Variants in MTF1 observed in about 807,000 individuals in gnomAD.
MTF1 encodes MRE-binding transcription factor.
In MTF1, 22 loss-of-function variants were observed where a neutral mutation model predicts 70.4. That is an observed-to-expected ratio of 0.31 (90% confidence interval 0.22 to 0.45). The LOEUF (loss-of-function observed/expected upper bound fraction) is 0.45. MTF1 is among the 20% of genes least tolerant of loss of function. The pLI is 1.00. For missense variants in MTF1, 649 were observed against 922.0 expected (o/e 0.70, Z 3.83); for synonymous variants, 333 against 352.8 (o/e 0.94, Z 0.63).
intron 10 of MTF1, among the ~76,000 whole-genome samples, chr1:37,816,603 A>C (rs1410951830): frequency 6.8e-6 from 1 of 148,098 alleles, no homozygotes; most frequent in Non-Finnish European, 1.5e-5. Flanking sequence ...TGAACCTAGG[A>C]GGCAGGGGTT....
At position 37,822,280 on chromosome 1, in the gene MTF1, C is replaced by G. The variant is rs1640921695; in HGVS notation, c.1608G>C (p.Leu536=). 2 of 1,614,130 alleles carry G rather than the reference C, an allele frequency of 1.2e-6. No individual in the cohort carries two copies. Among genetic ancestry groups the G allele is most frequent in the African/African-American group, 2.7e-5 (2 of 75,036 alleles). Residue 536 remains leucine, a synonymous_variant, in exon 9 of 11, where the codon CTG becomes CTC. Coordinates refer to ENST00000373036, the MANE Select transcript of MTF1 (RefSeq NM_005955.3). ...TTAGGACAGAGTTGGCACCCAGGGG[C>G]AGAGTCTGGACCATGGCTGGCAGGG... is the stretch of plus-strand genomic sequence containing the variant. ...TEPLPAMVQT[L]PLGANSVLTN... is the part of the protein sequence containing the mutation.
intron 7 of MTF1, among the ~76,000 whole-genome samples, chr1:37,827,193 AT>A (rs950030548): frequency 2.6e-5 from 4 of 151,884 alleles, no homozygotes; most frequent in South Asian, 2.1e-4. Flanking sequence ...ATGTCCTCTG[AT>A]TTTTTTTCTA....
At chr1:37,833,945 G>A (rs1056423654) in intron 6 of MTF1, among the ~76,000 whole-genome samples, 2 of 152,100 alleles carry the variant, frequency 1.3e-5, no homozygotes, top group African/African-American at 4.8e-5. Flanking sequence ...AGAAAAGTAG[G>A]CAGGGCACAG....
chr1:37,811,811 G>A lies in MTF1; in HGVS notation c.*3325C>T, dbSNP rs1640741386. 1 of 152,574 alleles carries A rather than the reference G, an allele frequency of 6.6e-6. No individual in the cohort carries two copies. The highest frequency in any genetic ancestry group is 1.5e-5 in the Non-Finnish European group (1 of 68,050). 9.5% of individuals were successfully genotyped at this position (152,574 alleles called of 1,614,324 possible). A position where few individuals can be genotyped will look rare whatever the true frequency, so the allele number is the denominator to read the frequency against. Reference sequence around the variant, plus strand: ...AGGCCCCTCCTGGGCTTTGTACCATGATCTCCTTCTAAACGGAGGTGGAAT... The same window carrying A: ...AGGCCCCTCCTGGGCTTTGTACCATAATCTCCTTCTAAACGGAGGTGGAAT... On this transcript the variant is annotated 3_prime_UTR_variant, in exon 11 of 11. Coordinates refer to ENST00000373036, the MANE Select transcript of MTF1 (RefSeq NM_005955.3).
intron 2 of MTF1, among the ~76,000 whole-genome samples, chr1:37,850,345 C>A (rs928923260): frequency 2.6e-5 from 4 of 151,112 alleles, no homozygotes; most frequent in African/African-American, 9.8e-5. Flanking sequence ...TGCCTATAAT[C>A]CCAGCACTTT....
intron 1 of MTF1, among the ~76,000 whole-genome samples, chr1:37,859,115 G>A (rs753089537): frequency 9.9e-5 from 15 of 152,216 alleles, no homozygotes; most frequent in Non-Finnish European, 1.6e-4. Flanking sequence ...AGAGAGAAGA[G>A]CACCGAGGGC....
At chr1:37,838,988 A>G (rs2148413763) in intron 3 of MTF1, among the ~76,000 whole-genome samples, 1 of 151,314 alleles carries the variant, frequency 6.6e-6, no homozygotes, top group Middle Eastern at 3.4e-3. Flanking sequence ...TATTTTTAGT[A>G]CAACGGGGTT....
chr1:37,811,676 A>G lies in MTF1; in HGVS notation c.*3460T>C, dbSNP rs565963399. On this transcript the variant is annotated 3_prime_UTR_variant, in exon 11 of 11. Transcript: ENST00000373036. ...AACCCACCCACCCTCCAATATCCCCATCAGTCCACAGCCTTGACCCTGAAA... is the reference window on the plus strand; with the variant it reads ...AACCCACCCACCCTCCAATATCCCCGTCAGTCCACAGCCTTGACCCTGAAA... 1.3e-5 allele frequency: 2 copies of G among 152,168 alleles called. No homozygotes were observed. Among genetic ancestry groups the G allele is most frequent in the South Asian group, 2.1e-4 (1 of 4,816 alleles). The allele number at this position is 152,168 out of a possible 1,614,324, so 9.4% of individuals were successfully genotyped here.
intron 2 of MTF1, among the ~76,000 whole-genome samples, chr1:37,852,417 C>T (rs1013870714): frequency 1.3e-5 from 2 of 152,146 alleles, no homozygotes; most frequent in Admixed American, 1.3e-4. Flanking sequence ...ATGGGATCAC[C>T]ATTTGGAGGG....
Position 37,822,275 on chromosome 1 carries a change from A to C in MTF1, c.1613T>G (p.Leu538Arg). 1 of 1,614,178 alleles carries C rather than the reference A, an allele frequency of 6.2e-7. No homozygotes were observed. The highest frequency in any genetic ancestry group is 8.5e-7 in the Non-Finnish European group (1 of 1,180,020). ...PLPAMVQTLP[L>R]GANSVLTNNP... ...ATTAGTTAGGACAGAGTTGGCACCC[A>C]GGGGCAGAGTCTGGACCATGGCTGG... The change falls in exon 9 of 11, where the codon CTG (leucine) becomes CGG (arginine). Residue 538 changes from leucine (L) to arginine (R), a missense_variant. Around this residue, in one of 7 missense-constraint regions of MTF1, gnomAD observed 267 missense variants for 292.1 expected, o/e 0.91. Coordinates refer to ENST00000373036, the MANE Select transcript of MTF1 (RefSeq NM_005955.3).
In MTF1 at chr1:37,817,615, AGTGATGTTTT is replaced by A; in HGVS notation, c.1768-143_1768-134del. On this transcript the variant is annotated intron_variant, in intron 9 of 10. Transcript: ENST00000373036. The stretch of plus-strand genomic sequence containing the variant: ...TTAGTGTTCAGGGATTTTTGTACTG[AGTGATGTTTT>A]GTTTGTGCTCTGACATGAGGTCACT... The A allele has an allele frequency of 1.0e-5, 7 of 693,810 alleles. No individual in the cohort carries two copies. The Middle Eastern group carries it at 2.0e-3, about 200-fold the overall frequency. 43.0% of individuals were successfully genotyped at this position (693,810 alleles called of 1,614,324 possible). A position where few individuals can be genotyped will look rare whatever the true frequency, so the allele number is the denominator to read the frequency against.
At chr1:37,838,011 T>C (rs1230618810) in intron 4 of MTF1, among the ~76,000 whole-genome samples, 1 of 152,220 alleles carries the variant, frequency 6.6e-6, no homozygotes, top group Admixed American at 6.5e-5. Context: ...TTCAAGTTTA[T>C]AGTAAATGTA....
At chr1:37,859,467 G>C (rs1641568843) in intron 1 of MTF1, 64 bp downstream of exon 1, 1 of 398,690 alleles carries the variant, frequency 2.5e-6, no homozygotes, top group Non-Finnish European at 4.4e-6. Context: ...CTTCAGGAGG[G>C]AGCCTAAGTC....
intron 2 of MTF1, among the ~76,000 whole-genome samples, chr1:37,849,952 G>A (rs1274309615): frequency 6.6e-6 from 1 of 152,154 alleles, no homozygotes; most frequent in Non-Finnish European, 1.5e-5. Context: ...GAGTAGAAAG[G>A]CCTTAAAGGG....
intron 7 of MTF1, among the ~76,000 whole-genome samples, chr1:37,825,704 C>T (rs1234964891): frequency 6.6e-6 from 1 of 152,190 alleles, no homozygotes; most frequent in Non-Finnish European, 1.5e-5. Flanking sequence ...CTTCCTCTTC[C>T]TCCGCCTACT....
At chr1:37,825,973 A>G (rs1418660371) in intron 7 of MTF1, among the ~76,000 whole-genome samples, 1 of 152,166 alleles carries the variant, frequency 6.6e-6, no homozygotes, top group Non-Finnish European at 1.5e-5. Context: ...TTATACTAGG[A>G]TTTGGTTGTG....
In MTF1 at chr1:37,814,748, C is replaced by A. The variant is rs562184348; in HGVS notation, c.*388G>T. 1.2e-4 allele frequency: 25 copies of A among 204,878 alleles called. No homozygotes were observed. The highest frequency in any genetic ancestry group is 2.1e-3 in the Middle Eastern group (1 of 472). 12.7% of individuals were successfully genotyped at this position (204,878 alleles called of 1,614,324 possible). A position where few individuals can be genotyped will look rare whatever the true frequency, so the allele number is the denominator to read the frequency against. ...GCAACACCCAACACACTGAAAACTC[C>A]TGCCCGATCCACAAAGACCCCAGTG... On this transcript the variant is annotated 3_prime_UTR_variant, in exon 11 of 11. Coordinates refer to ENST00000373036, the MANE Select transcript of MTF1 (RefSeq NM_005955.3).
intron 8 of MTF1, 49 bp from the exon 9 acceptor site, chr1:37,822,765 A>T: frequency 7.4e-7 from 1 of 1,359,150 alleles, no homozygotes; most frequent in Non-Finnish European, 1.0e-6. Context: ...CAAGCCTTAG[A>T]TGAGCCACAA....
At chr1:37,858,510 C>A (rs1277392231) in intron 1 of MTF1, 1 of 152,208 alleles carries the variant, frequency 6.6e-6, no homozygotes, top group African/African-American at 2.4e-5. Flanking sequence ...TTTCAACCTT[C>A]TGGGTGGAAG....
Sources: allele counts gnomAD v4.1 joint callset (sites outside exome capture counted in the v4.1 genomes callset), GRCh38; gene constraint gnomAD v4.1.1; regional missense constraint gnomAD v4.1.1; transcripts MANE v1.5; gene names NCBI Gene and HGNC (gene_info 2026-07-23, HGNC 2026-07-21).